The following ITPR1 variants were observed in gnomAD, a reference collection of about 807,000 sequenced individuals.
ITPR1 encodes the protein inositol 1,4,5-trisphosphate receptor type 1.
In ITPR1, 96 loss-of-function variants were observed where a neutral mutation model predicts 318.4. That is an observed-to-expected ratio of 0.30 (90% CI 0.26 to 0.36). The LOEUF (loss-of-function observed/expected upper bound fraction) is 0.36. ITPR1 is among the 10% of genes least tolerant of loss of function. The pLI is 1.00. For missense variants in ITPR1, 2,440 were observed against 3,460.2 expected, an observed-to-expected ratio of 0.71 and a Z score of 7.40; for synonymous variants, 1,312 against 1,289.9, an observed-to-expected ratio of 1.02 and a Z score of -0.37.
At chr3:4,780,826 C>T (rs920317129) in intron 49 of ITPR1, among the ~76,000 whole-genome samples, 9 of 152,098 alleles carry the variant, frequency 5.9e-5, no homozygotes, top group Admixed American at 1.3e-4. Context: ...TATGCAGGGA[C>T]CCCATTCGGC....
intron 60 of ITPR1, among the ~76,000 whole-genome samples, chr3:4,821,826 C>T (rs1050329232): frequency 1.3e-5 from 2 of 152,054 alleles, no homozygotes; most frequent in African/African-American, 2.4e-5. Flanking sequence ...AGAGGGACCA[C>T]GTAAAGAAGC....
At chr3:4,630,212 C>G (rs548218886) in intron 5 of ITPR1, among the ~76,000 whole-genome samples, 1 of 152,212 alleles carries the variant, frequency 6.6e-6, no homozygotes, top group South Asian at 2.1e-4. Context: ...TCTGTATAAA[C>G]CCCATGAGTG....
At chr3:4,809,913 T>G (rs970735919) in intron 55 of ITPR1, among the ~76,000 whole-genome samples, 1 of 152,214 alleles carries the variant, frequency 6.6e-6, no homozygotes, top group African/African-American at 2.4e-5. Flanking sequence ...TTGTATTGAC[T>G]AAAATCCCTC....
intron 4 of ITPR1, among the ~76,000 whole-genome samples, chr3:4,555,505 T>C (rs2086032526): frequency 6.6e-6 from 1 of 152,236 alleles, no homozygotes; most frequent in Admixed American, 6.5e-5. Flanking sequence ...ACCCATTTTT[T>C]GTTAATGTCA....
chr3:4,547,780 A>C (rs2085167067), intron 4 of ITPR1, among the ~76,000 whole-genome samples: 1 of 152,208 alleles, frequency 6.6e-6, no homozygotes. Flanking sequence ...CCTCAAATAC[A>C]TCAAAACCAC....
intron 8 of ITPR1, among the ~76,000 whole-genome samples, chr3:4,644,466 C>G (rs1013353290): frequency 3.9e-5 from 6 of 152,196 alleles, no homozygotes; most frequent in Admixed American, 6.5e-5. Context: ...GTTTGTGAAG[C>G]CTTGCGTCAC....
At chr3:4,605,919 A>G (rs538817231) in intron 4 of ITPR1, among the ~76,000 whole-genome samples, 1 of 152,182 alleles carries the variant, frequency 6.6e-6, no homozygotes, top group Non-Finnish European at 1.5e-5. Flanking sequence ...TGGGGCCGAC[A>G]TCAGACAGGA....
chr3:4,823,132 A>G (rs1027325141), intron 60 of ITPR1, among the ~76,000 whole-genome samples: 4 of 152,228 alleles, frequency 2.6e-5, no homozygotes, highest in African/African-American at 4.8e-5. Context: ...AGGCCATGCT[A>G]TTGGAGCTAT....
At chr3:4,663,266 G>C in intron 16 of ITPR1, 60 bp downstream of exon 16, 2 of 1,470,244 alleles carry the variant, frequency 1.4e-6, no homozygotes, top group Non-Finnish European at 1.9e-6. Context: ...AGCATGAGTG[G>C]TAGCTCATGC....
intron 35 of ITPR1, among the ~76,000 whole-genome samples, chr3:4,700,693 G>T (rs1409325628): frequency 6.6e-6 from 1 of 152,184 alleles, no homozygotes; most frequent in African/African-American, 2.4e-5. Flanking sequence ...CCAGGAGGTT[G>T]AGTGAGCTGA....
At chr3:4,736,984 A>G (rs947343547) in intron 44 of ITPR1, among the ~76,000 whole-genome samples, 2 of 152,238 alleles carry the variant, frequency 1.3e-5, no homozygotes, top group African/African-American at 4.8e-5. Context: ...TGAACTTTTC[A>G]TAAACCAATG....
intron 4 of ITPR1, among the ~76,000 whole-genome samples, chr3:4,620,680 GTTTTTTTTTT>G: frequency 7.8e-6 from 1 of 128,156 alleles, no homozygotes; most frequent in African/African-American, 3.0e-5. Context: ...TTCTTTGTGG[GTTTTTTTTTT>G]TTTTTTTTTT....
chr3:4,586,484 C>A (rs1325251926), intron 4 of ITPR1, among the ~76,000 whole-genome samples: 1 of 148,922 alleles, frequency 6.7e-6, no homozygotes, highest in South Asian at 2.1e-4. Flanking sequence ...AAGTCACTGT[C>A]TGGCGGCAAG....
intron 11 of ITPR1, among the ~76,000 whole-genome samples, chr3:4,653,233 G>A (rs1030843570): frequency 5.9e-5 from 9 of 152,304 alleles, no homozygotes; most frequent in African/African-American, 2.2e-4. Context: ...CCAAGGTGAT[G>A]GTGGGTGTCA....
At chr3:4,707,350 A>G (rs76628169) in intron 37 of ITPR1, among the ~76,000 whole-genome samples, 5,553 of 152,156 alleles carry the variant, frequency 0.036, 138 homozygotes, top group South Asian at 0.099. Context: ...CACCTTGCTC[A>G]CTCGCATATT....
At chr3:4,625,118 G>T (rs1015488930) in intron 4 of ITPR1, among the ~76,000 whole-genome samples, 9 of 152,050 alleles carry the variant, frequency 5.9e-5, no homozygotes, top group African/African-American at 2.4e-5. Context: ...AGCTATCATG[G>T]TCCCATATTT....
chr3:4,531,561 C>T (rs2083415872), intron 4 of ITPR1, among the ~76,000 whole-genome samples: 1 of 152,162 alleles, frequency 6.6e-6, no homozygotes, highest in African/African-American at 2.4e-5. Context: ...TCTCAGGGTT[C>T]CCAGCAGTCT....
intron 37 of ITPR1, among the ~76,000 whole-genome samples, chr3:4,707,079 A>C (rs1023073810): frequency 2.9e-4 from 44 of 152,308 alleles, no homozygotes; most frequent in African/African-American, 9.6e-4. Context: ...GAAATGGTGT[A>C]ATCTTGGGAA....
Position 4,711,853 on chromosome 3 carries a change from A to G in ITPR1, c.5088A>G (p.Arg1696=), listed in dbSNP as rs375480720. The G allele has an allele frequency of 3.3e-5, 49 of 1,503,598 alleles. No individual in the cohort carries two copies. In the African/African-American group the frequency reaches 6.0e-4, roughly 18 times the overall value. The allele number at this position is 1,503,598 out of a possible 1,614,324, so 93.1% of individuals were successfully genotyped here. The change falls in exon 39 of 62, where the codon AGA becomes AGG. Residue 1696 remains arginine, a synonymous_variant. Coordinates refer to ENST00000649015, the MANE Select transcript of ITPR1 (RefSeq NM_001378452.1). The stretch of plus-strand genomic sequence containing the variant: ...TGAGGGAAATGATGACCAAAGATAG[A>G]GGCTATGGAGAAAAGGTACTGCATT... ...QTLREMMTKD[R]GYGEKLISID... is the part of the protein sequence containing the mutation.
Sources: gnomAD v4.1 joint callset for allele counts (sites outside exome capture counted in the v4.1 genomes callset) on GRCh38, gnomAD v4.1.1 for gene constraint, MANE v1.5 for transcripts, NCBI Gene and HGNC (gene_info 2026-07-23, HGNC 2026-07-21) for gene names.